Variants in SHISA7 observed in about 807,000 individuals in gnomAD.
SHISA7 encodes protein shisa-7.
A neutral mutation model predicts 23.9 loss-of-function variants in SHISA7; 6 were observed. The observed-to-expected ratio is 0.25, with a 90% CI of 0.14 to 0.50. The LOEUF (loss-of-function observed/expected upper bound fraction) is 0.50. Ranked by LOEUF, SHISA7 falls within the 20% of genes least tolerant of loss-of-function variation. SHISA7 has a pLI of 0.98. For synonymous variants in SHISA7, 386 were observed against 398.3 expected (o/e 0.97, Z 0.37); for missense variants, 671 against 801.1 (o/e 0.84, Z 1.96).
rs767314885 is a variant in SHISA7, at chr19:55,433,096, G to C, written c.*60C>G. 9 of 1,472,320 alleles carry C rather than the reference G, an allele frequency of 6.1e-6. No individual in the cohort carries two copies. Among genetic ancestry groups the C allele is most frequent in the Non-Finnish European group, 8.0e-6 (9 of 1,118,272 alleles). The allele number at this position is 1,472,320 out of a possible 1,614,324, so 91.2% of individuals were successfully genotyped here. A position where few individuals can be genotyped will look rare whatever the true frequency, so the allele number is the denominator to read the frequency against. The stretch of plus-strand genomic sequence containing the variant: ...CCTGGCATGTGTGCGCCTGTGTCGG[G>C]GGATCCAGGCTGGGACGGGGGGCCC... On this transcript the variant is annotated 3_prime_UTR_variant, in exon 4 of 4. Transcript: ENST00000376325. The surrounding 1 kb of genome is among the most constrained non-coding windows in gnomAD (Gnocchi z 8.4).
intron 1 of SHISA7, 95 bp from the exon 2 acceptor site, chr19:55,440,860 T>C (rs1322405568): frequency 1.7e-6 from 2 of 1,157,116 alleles, no homozygotes; most frequent in Non-Finnish European, 2.2e-6. Context: ...CGCCCTTGGG[T>C]AATCTGTCAC....
intron 2 of SHISA7, chr19:55,438,549 C>T (rs762130208): frequency 7.7e-7 from 1 of 1,304,134 alleles, no homozygotes; most frequent in Non-Finnish European, 1.0e-6. Flanking sequence ...GCAGCCGGGC[C>T]CTCTTCCGCA....
chr19:55,442,700 C>G lies in SHISA7; in HGVS notation c.164G>C (p.Ser55Thr). Residue 55 changes from serine to threonine, a missense_variant, in exon 1 of 4, where the codon AGC (serine) becomes ACC (threonine). Ser to Thr is a moderately conservative substitution (Grantham distance 58, BLOSUM62 1). This residue lies in a region of SHISA7 where 96 missense variants were observed against 113.1 expected (regional missense o/e 0.85). Coordinates refer to ENST00000376325, the MANE Select transcript of SHISA7 (RefSeq NM_001145176.2). ...GGTCCTGGTGCCGTTGGCGCCTGGG[C>G]TCGCCGCGCCCCCGCCGCCCGTCAG... The part of the protein sequence containing the change: ...GALTGGGGAA[S>T]PGANGTRTGP... 9.8e-7 allele frequency: 1 copy of G among 1,023,500 alleles called. No individual in the cohort carries two copies. Among genetic ancestry groups the G allele is most frequent in the Non-Finnish European group, 1.2e-6 (1 of 857,136 alleles). 63.4% of individuals were successfully genotyped at this position (1,023,500 alleles called of 1,614,324 possible).
rs951433987 is a variant in SHISA7, at chr19:55,429,728, G to A, written c.*3428C>T. The A allele has an allele frequency of 6.6e-6, 1 of 152,212 alleles. No individual in the cohort carries two copies. Among genetic ancestry groups the A allele is most frequent in the Non-Finnish European group, 1.5e-5 (1 of 68,094 alleles). The allele number at this position is 152,212 out of a possible 1,614,324, so 9.4% of individuals were successfully genotyped here. A position where few individuals can be genotyped will look rare whatever the true frequency, so the allele number is the denominator to read the frequency against. On this transcript the variant is annotated 3_prime_UTR_variant, in exon 4 of 4. Transcript: ENST00000376325. ...CATGGCTATGTACAAAGAGAATTGA[G>A]GGAAGATTGTGCATTGGGTGCTGGG...
At chr19:55,439,545 C>G (rs906802930) in intron 2 of SHISA7, among the ~76,000 whole-genome samples, 1 of 152,214 alleles carries the variant, frequency 6.6e-6, no homozygotes, top group Non-Finnish European at 1.5e-5. Context: ...AGTTCCTCAG[C>G]CCAGCCTGGC....
rs1985632588 is a variant in SHISA7, at chr19:55,443,027, A to G, written c.-164T>C. Among the ~76,000 whole-genome samples the G allele has an allele frequency of 6.6e-6, 1 of 150,842 alleles. No individual in the cohort carries two copies. Among genetic ancestry groups the G allele is most frequent in the South Asian group, 2.1e-4 (1 of 4,784 alleles). ...GGGGGGCGGCAGAGTGTGGGGAGCA[A>G]CAGGCGCCAGGAGGCAGGAAGGGCG... On this transcript the variant is annotated 5_prime_UTR_variant, in exon 1 of 4. Transcript: ENST00000376325.
In SHISA7 at chr19:55,442,846, G is replaced by A; in HGVS notation, c.18C>T (p.Leu6=). 1 of 1,391,446 alleles carries A rather than the reference G, an allele frequency of 7.2e-7. No individual in the cohort carries two copies. The highest frequency in any genetic ancestry group is 1.5e-5 in the African/African-American group (1 of 66,118). The allele number at this position is 1,391,446 out of a possible 1,614,324, so 86.2% of individuals were successfully genotyped here. MPALL[L]LVLLASSAGQ... is the part of the protein sequence containing the mutation. The stretch of plus-strand genomic sequence containing the variant: ...CGGCGCTAGAGGCCAGGAGTACGAG[G>A]AGCAGGAGGGCCGGCATGGGGCTTG... The change falls in exon 1 of 4, where the codon CTC becomes CTT. Residue 6 remains leucine (L), a synonymous_variant. Coordinates refer to ENST00000376325, the MANE Select transcript of SHISA7 (RefSeq NM_001145176.2).
At chr19:55,440,870 C>T in intron 1 of SHISA7, 105 bp from the exon 2 acceptor site, 1 of 1,110,074 alleles carries the variant, frequency 9.0e-7, no homozygotes, top group Non-Finnish European at 1.1e-6. Context: ...TAATCTGTCA[C>T]TCAGCCTGCC....
chr19:55,432,974 T>C lies in SHISA7; in HGVS notation c.*182A>G. On this transcript the variant is annotated 3_prime_UTR_variant, in exon 4 of 4. Coordinates refer to ENST00000376325, the MANE Select transcript of SHISA7 (RefSeq NM_001145176.2). The surrounding 1 kb of genome is among the most constrained non-coding windows in gnomAD (Gnocchi z 4.6). ...GACATCATGGGAAGGAGGCCTTGGC[T>C]CAAGCAGTGAAGTAATAGGAGGAGG... 1.3e-6 allele frequency: 1 copy of C among 752,014 alleles called. No individual in the cohort carries two copies. Among genetic ancestry groups the C allele is most frequent in the Non-Finnish European group, 2.0e-6 (1 of 504,152 alleles). The allele number at this position is 752,014 out of a possible 1,614,324, so 46.6% of individuals were successfully genotyped here.
rs943249348 is a variant in SHISA7, at chr19:55,430,834, G to A, written c.*2322C>T. The A allele has an allele frequency of 6.7e-6, 1 of 150,066 alleles. No individual in the cohort carries two copies. Among genetic ancestry groups the A allele is most frequent in the African/African-American group, 2.5e-5 (1 of 40,456 alleles). The allele number at this position is 150,066 out of a possible 1,614,324, so 9.3% of individuals were successfully genotyped here. A position where few individuals can be genotyped will look rare whatever the true frequency, so the allele number is the denominator to read the frequency against. ...GGGAGAAGATGACACCAGGGTTATG[G>A]TGGATACTAGTGGATGGTGACAGAC... On this transcript the variant is annotated 3_prime_UTR_variant, in exon 4 of 4. Coordinates refer to ENST00000376325, the MANE Select transcript of SHISA7 (RefSeq NM_001145176.2).
chr19:55,433,043 G>T lies in SHISA7; in HGVS notation c.*113C>A. 2.3e-6 allele frequency: 3 copies of T among 1,303,012 alleles called. No homozygotes were observed. Among genetic ancestry groups the T allele is most frequent in the South Asian group, 1.6e-5 (1 of 61,080 alleles). 80.7% of individuals were successfully genotyped at this position (1,303,012 alleles called of 1,614,324 possible). ...ATCCCAGAAGGAGGCTTTCACTCCT[G>T]TCCAAGGGCCGATCTGGGCCCCAGG... On this transcript the variant is annotated 3_prime_UTR_variant, in exon 4 of 4. Coordinates refer to ENST00000376325, the MANE Select transcript of SHISA7 (RefSeq NM_001145176.2). The surrounding 1 kb of genome is among the most constrained non-coding windows in gnomAD (Gnocchi z 8.4).
chr19:55,440,635 T>C lies in SHISA7; in HGVS notation c.802A>G (p.Asn268Asp), dbSNP rs1219587062. The change falls in exon 2 of 4, where the codon AAC becomes GAC. Residue 268 changes from asparagine (N) to aspartate (D), a missense_variant. Coordinates refer to ENST00000376325, the MANE Select transcript of SHISA7 (RefSeq NM_001145176.2). ...MPPRTPKNLY[N>D]TVKTPNLDWR... ...CCGAGGTTGGGGGTCTTCACGGTGT[T>C]GTAGAGGTTCTTGGGCGTCCTGGGG... The C allele has an allele frequency of 1.6e-6, 2 of 1,249,554 alleles. No homozygotes were observed. Among genetic ancestry groups the C allele is most frequent in the Non-Finnish European group, 2.0e-6 (2 of 988,238 alleles). The allele number at this position is 1,249,554 out of a possible 1,614,324, so 77.4% of individuals were successfully genotyped here.
At position 55,430,901 on chromosome 19, in the gene SHISA7, G is replaced by T. The variant is rs536244109; in HGVS notation, c.*2255C>A. The T allele has an allele frequency of 6.6e-6, 1 of 150,768 alleles. No individual in the cohort carries two copies. Among genetic ancestry groups the T allele is most frequent in the East Asian group, 2.0e-4 (1 of 5,086 alleles). The allele number at this position is 150,768 out of a possible 1,614,324, so 9.3% of individuals were successfully genotyped here. A position where few individuals can be genotyped will look rare whatever the true frequency, so the allele number is the denominator to read the frequency against. On this transcript the variant is annotated 3_prime_UTR_variant, in exon 4 of 4. Transcript: ENST00000376325. ...GATCCTGGGAGATGATGACACCAGGGTTATGGTGGATCCTAGTGGATGGTG... is the reference window on the plus strand; with the variant it reads ...GATCCTGGGAGATGATGACACCAGGTTTATGGTGGATCCTAGTGGATGGTG...
Position 55,433,884 on chromosome 19 carries a change from T to A in SHISA7, c.977-88A>T. The A allele has an allele frequency of 7.7e-7, 1 of 1,300,754 alleles. No homozygotes were observed. Among genetic ancestry groups the A allele is most frequent in the Non-Finnish European group, 9.8e-7 (1 of 1,018,116 alleles). 80.6% of individuals were successfully genotyped at this position (1,300,754 alleles called of 1,614,324 possible). A position where few individuals can be genotyped will look rare whatever the true frequency, so the allele number is the denominator to read the frequency against. ...CCCACCTCGTCACATCCCGCTCCTA[T>A]GCTCCTTGTGCCCCCACAAGGATCC... is the stretch of plus-strand genomic sequence containing the variant. On this transcript the variant is annotated intron_variant, in intron 3 of 3. Coordinates refer to ENST00000376325, the MANE Select transcript of SHISA7 (RefSeq NM_001145176.2). The surrounding 1 kb of genome is among the most constrained non-coding windows in gnomAD (Gnocchi z 8.4).
In SHISA7 at chr19:55,442,211, C is replaced by A; in HGVS notation, c.653G>T (p.Arg218Leu). Reference sequence around the variant, plus strand: ...CACGCACCTGGGCACGTTGATATCCCGGTGCGCCCGGGGCGCACGGGACGC... The same window carrying A: ...CACGCACCTGGGCACGTTGATATCCAGGTGCGCCCGGGGCGCACGGGACGC... ...SKASRAPRAH[R>L]DINVPRALVD... The change falls in exon 1 of 4, where the codon CGG becomes CTG. Residue 218 changes from arginine to leucine, a missense_variant. Physicochemically the swap from Arg to Leu is moderately radical, Grantham distance 102. Coordinates refer to ENST00000376325, the MANE Select transcript of SHISA7 (RefSeq NM_001145176.2). 1 of 1,533,832 alleles carries A rather than the reference C, an allele frequency of 6.5e-7. No homozygotes were observed.
chr19:55,438,650 G>T (rs766287992), intron 2 of SHISA7: 19 of 1,303,304 alleles, frequency 1.5e-5, no homozygotes, highest in Admixed American at 2.3e-5. Context: ...GAAGGGAGAT[G>T]ATGTCACTGC....
In SHISA7 at chr19:55,437,619, G is replaced by C; in HGVS notation, c.962C>G (p.Ser321Cys). Residue 321 changes from serine to cysteine, a missense_variant, in exon 3 of 4, where the codon TCC becomes TGC. Ser to Cys is a moderately radical substitution (Grantham distance 112). Transcript: ENST00000376325. Reference protein sequence around the residue: ...AVKSELNRYSSLKRLAEKDLD... With the variant: ...AVKSELNRYSCLKRLAEKDLD... ...CCAGGACTCACCCAGCCTCTTGAGG[G>C]AAGAGTAGCGGTTCAGCTCGGATTT... 6.4e-7 allele frequency: 1 copy of C among 1,551,372 alleles called. No homozygotes were observed. The highest frequency in any genetic ancestry group is 1.2e-5 in the South Asian group (1 of 84,030).
Position 55,435,025 on chromosome 19 carries a change from GGT to G in SHISA7, c.977-1231_977-1230del, listed in dbSNP as rs1042836541. ...GTGGTGTATATGTGGTGTGTGTGTG[GGT>G]GTGTGGCTGTGTGGTGTGTGTGTGG... On this transcript the variant is annotated intron_variant, in intron 3 of 3. Transcript: ENST00000376325. Among the ~76,000 whole-genome samples the G allele has an allele frequency of 9.5e-5, 7 of 73,336 alleles. 1 individual carries two copies. Among genetic ancestry groups the G allele is most frequent in the Admixed American group, 4.6e-4 (3 of 6,506 alleles). 48.1% of individuals were successfully genotyped at this position (73,336 alleles called of 152,430 possible).
rs1488427595 is a variant in SHISA7 at position 55,442,647 on chromosome 19, C to A, written c.217G>T (p.Ala73Ser). Residue 73 changes from alanine (A) to serine (S), a missense_variant, in exon 1 of 4, where the codon GCC becomes TCC. Physicochemically the swap from Ala to Ser is moderately conservative, Grantham distance 99. Around this residue, in one of 5 missense-constraint regions of SHISA7, gnomAD observed 96 missense variants for 113.1 expected, o/e 0.85. Coordinates refer to ENST00000376325, the MANE Select transcript of SHISA7 (RefSeq NM_001145176.2). ...AGCTCGGCGGGAGGGGGCGCCCGGG[C>A]CGCCGCGCCCGCCCCGCCCGCGGGG... Reference protein sequence around the residue: ...TGPAGGAGAAARAPPPAELCH... With the variant: ...TGPAGGAGAASRAPPPAELCH... 1.5e-6 allele frequency: 2 copies of A among 1,326,316 alleles called. No individual in the cohort carries two copies. Among genetic ancestry groups the A allele is most frequent in the South Asian group, 1.6e-5 (1 of 64,390 alleles). The allele number at this position is 1,326,316 out of a possible 1,614,324, so 82.2% of individuals were successfully genotyped here. A position where few individuals can be genotyped will look rare whatever the true frequency, so the allele number is the denominator to read the frequency against.
Sources: allele counts gnomAD v4.1 joint callset (sites outside exome capture counted in the v4.1 genomes callset), GRCh38; gene constraint gnomAD v4.1.1; regional missense constraint gnomAD v4.1.1; non-coding constraint Gnocchi (gnomAD v3.1); transcripts MANE v1.5; gene names NCBI Gene and HGNC (gene_info 2026-07-23, HGNC 2026-07-21).